The following NOL10 variants were observed in gnomAD, a reference collection of about 807,000 sequenced individuals.
NOL10 encodes the protein nucleolar protein 10.
Under a neutral mutation model 103.5 loss-of-function variants are expected in NOL10, and 58 were observed. The observed-to-expected ratio is 0.56, with a 90% CI of 0.45 to 0.70. The LOEUF is 0.70. Ranked by LOEUF, NOL10 falls within the 30% of genes least tolerant of loss-of-function variation. The pLI, the probability that NOL10 is intolerant of heterozygous loss-of-function variation, is 0.00. For missense variants in NOL10, 763 were observed against 807.3 expected, an observed-to-expected ratio of 0.95 and a Z score of 0.67; for synonymous variants, 287 against 282.5, an observed-to-expected ratio of 1.02 and a Z score of -0.16.
At chr2:10,599,401 CAAG>C (rs1272268353) in intron 17 of NOL10, among the ~76,000 whole-genome samples, 3 of 152,108 alleles carry the variant, frequency 2.0e-5, no homozygotes, top group Admixed American at 6.6e-5. Flanking sequence ...GCTTAGCTAA[CAAG>C]AAGATCAGTG....
At chr2:10,592,061 G>T (rs1325768627) in intron 17 of NOL10, among the ~76,000 whole-genome samples, 1 of 152,114 alleles carries the variant, frequency 6.6e-6, no homozygotes, top group Non-Finnish European at 1.5e-5. Flanking sequence ...GTCTGCAGCA[G>T]CCTGATGTCT....
chr2:10,597,101 T>C (rs1232870912), intron 17 of NOL10, among the ~76,000 whole-genome samples: 7 of 152,158 alleles, frequency 4.6e-5, no homozygotes, highest in Admixed American at 6.5e-5. Flanking sequence ...ACCCAAAGTA[T>C]TGGGAATACA....
rs375064632 is a variant in NOL10, at chr2:10,607,264, G to A, written c.1074C>T (p.Thr358=). ...PRWCSFLDNL[T]EELEENPEST... Reference sequence around the variant, plus strand: ...TTTCTGGATTCTCTTCTAATTCTTCGGTCAAGTTGTCTAAGAAGGAACACC... The same window carrying A: ...TTTCTGGATTCTCTTCTAATTCTTCAGTCAAGTTGTCTAAGAAGGAACACC... The change falls in exon 14 of 21, where the codon ACC becomes ACT. Residue 358 remains threonine (T), a synonymous_variant. Transcript: ENST00000381685. 159 of 1,605,478 alleles carry A rather than the reference G, an allele frequency of 9.9e-5. No individual in the cohort carries two copies. The highest frequency in any genetic ancestry group is 2.0e-4 in the East Asian group (9 of 44,544).
intron 5 of NOL10, 21 bp from the exon 6 acceptor site, chr2:10,671,711 T>C (rs936757790): frequency 2.0e-6 from 3 of 1,523,208 alleles, no homozygotes; most frequent in African/African-American, 1.4e-5. Flanking sequence ...AACAAAAAAA[T>C]TAGTTTGCTT....
At chr2:10,650,727 G>C (rs928023554) in intron 12 of NOL10, among the ~76,000 whole-genome samples, 7 of 152,092 alleles carry the variant, frequency 4.6e-5, no homozygotes, top group Non-Finnish European at 1.0e-4. Context: ...CTACACTCTA[G>C]CTTAGGTGAC....
rs368518652 is a variant in NOL10 at position 10,689,912 on chromosome 2, C to A, written c.-51G>T. The A allele has an allele frequency of 6.5e-7, 1 of 1,544,976 alleles. No homozygotes were observed. The highest frequency in any genetic ancestry group is 8.8e-7 in the Non-Finnish European group (1 of 1,136,178). On this transcript the variant is annotated 5_prime_UTR_variant, in exon 1 of 21. Coordinates refer to ENST00000381685, the MANE Select transcript of NOL10 (RefSeq NM_024894.4). ...CCGGGTCCTTTCCCACCAGCGTGCTCGAGCACCGTAATCCCGGGACCTCCG... is the reference window on the plus strand; with the variant it reads ...CCGGGTCCTTTCCCACCAGCGTGCTAGAGCACCGTAATCCCGGGACCTCCG...
chr2:10,676,091 C>T (rs1019481729), intron 3 of NOL10, among the ~76,000 whole-genome samples: 4 of 152,138 alleles, frequency 2.6e-5, no homozygotes, highest in Admixed American at 6.5e-5. Context: ...AACTAAGAAA[C>T]CTACAAGTAA....
chr2:10,655,257 A>G (rs991261070), intron 11 of NOL10, among the ~76,000 whole-genome samples: 1 of 151,630 alleles, frequency 6.6e-6, no homozygotes, highest in African/African-American at 2.4e-5. Flanking sequence ...GGAAGAAAGG[A>G]AAGAAAAGAA....
intron 6 of NOL10, among the ~76,000 whole-genome samples, chr2:10,668,998 A>G (rs1182783253): frequency 6.6e-6 from 1 of 152,184 alleles, no homozygotes; most frequent in Non-Finnish European, 1.5e-5. Context: ...AAGTATATGT[A>G]ATGTATCTAC....
rs1250940083 is a variant in NOL10, at chr2:10,589,275, GCTCTTCCTC to G, written c.1603_1611del (p.Glu535_Glu537del). 1 of 1,613,408 alleles carries G rather than the reference GCTCTTCCTC, an allele frequency of 6.2e-7. No homozygotes were observed. Among genetic ancestry groups the G allele is most frequent in the Non-Finnish European group, 8.5e-7 (1 of 1,179,852 alleles). Reference sequence around the variant, plus strand: ...TCTGCATCACTTGGTTTTCCTTCCGGCTCTTCCTCCTCTTCCTGAGAATAAAAATAGTAA... The same window carrying G: ...TCTGCATCACTTGGTTTTCCTTCCGGCTCTTCCTGAGAATAAAAATAGTAA... On this transcript the variant is annotated inframe_deletion, in exon 19 of 21. Transcript: ENST00000381685.
At chr2:10,599,499 T>C (rs890054091) in intron 17 of NOL10, among the ~76,000 whole-genome samples, 2 of 152,210 alleles carry the variant, frequency 1.3e-5, no homozygotes, top group Non-Finnish European at 2.9e-5. Flanking sequence ...TTATACACAT[T>C]GGTGTAACTT....
At chr2:10,672,528 T>C (rs1031066850) in intron 5 of NOL10, among the ~76,000 whole-genome samples, 4 of 152,056 alleles carry the variant, frequency 2.6e-5, no homozygotes, top group Non-Finnish European at 4.4e-5. Context: ...AATGATACCA[T>C]AGACAAAAGG....
intron 19 of NOL10, among the ~76,000 whole-genome samples, chr2:10,584,617 G>C (rs1156712684): frequency 6.6e-6 from 1 of 152,168 alleles, no homozygotes. Context: ...TAAACATACA[G>C]AGTCACTTTA....
intron 13 of NOL10, 29 bp downstream of exon 13, chr2:10,644,291 T>G (rs1012090841): frequency 9.1e-6 from 13 of 1,434,736 alleles, no homozygotes; most frequent in Non-Finnish European, 1.2e-5. Context: ...TGTCCTATTT[T>G]TACTGAAACT....
chr2:10,636,703 A>G (rs1678252375), intron 13 of NOL10, among the ~76,000 whole-genome samples: 1 of 152,180 alleles, frequency 6.6e-6, no homozygotes, highest in Non-Finnish European at 1.5e-5. Context: ...ACACCAGAAC[A>G]GTAATGTTTC....
rs140673563 is a variant in NOL10 at position 10,627,985 on chromosome 2, A to G, written c.1026+16335T>C. Reference sequence around the variant, plus strand: ...CAATTTAAAGTAAATCATATTTTTCATTCAAATTTGTCTTTTTCCTCCTTT... The same window carrying G: ...CAATTTAAAGTAAATCATATTTTTCGTTCAAATTTGTCTTTTTCCTCCTTT... On this transcript the variant is annotated intron_variant, in intron 13 of 20. Transcript: ENST00000381685. Among the ~76,000 whole-genome samples, 67 of 152,266 alleles carry G rather than the reference A, an allele frequency of 4.4e-4. 1 individual carries two copies. The East Asian group carries it at 0.012, about 28-fold the overall frequency.
At chr2:10,625,974 G>T (rs1677435311) in intron 13 of NOL10, among the ~76,000 whole-genome samples, 1 of 151,946 alleles carries the variant, frequency 6.6e-6, no homozygotes, top group Non-Finnish European at 1.5e-5. Flanking sequence ...AGGAGTTCAA[G>T]ATCAGCCTGG....
intron 11 of NOL10, among the ~76,000 whole-genome samples, chr2:10,655,462 T>C (rs181175345): frequency 1.8e-4 from 27 of 152,248 alleles, no homozygotes; most frequent in Admixed American, 1.8e-3. Context: ...AATACTTAAG[T>C]GTTAGTTACT....
intron 2 of NOL10, 100 bp downstream of exon 2, chr2:10,684,467 C>T (rs982018906): frequency 2.2e-5 from 20 of 922,140 alleles, no homozygotes; most frequent in Admixed American, 2.8e-5. Context: ...TACATGTTAC[C>T]GCATTCTTAT....
Sources: allele counts gnomAD v4.1 joint callset (sites outside exome capture counted in the v4.1 genomes callset), GRCh38; gene constraint gnomAD v4.1.1; transcripts MANE v1.5; gene names NCBI Gene and HGNC (gene_info 2026-07-23, HGNC 2026-07-21).